PPP6C: variants seen among roughly 807,000 people sequenced by gnomAD.
The protein encoded by PPP6C is protein phosphatase 6 catalytic subunit.
In PPP6C, 11 loss-of-function variants were observed where a neutral mutation model predicts 39.8. The ratio of observed to expected loss-of-function variants is 0.28; its 90% CI spans 0.17 to 0.46. The LOEUF (loss-of-function observed/expected upper bound fraction) is 0.46, where lower values mean the gene tolerates loss of function less well. Among genes scored for constraint, PPP6C ranks in the 20% least tolerant of loss-of-function variants. The pLI, the probability that PPP6C is intolerant of heterozygous loss-of-function variation, is 1.00. For synonymous variants in PPP6C, 129 were observed against 130.3 expected (o/e 0.99, Z 0.07); for missense variants, 211 against 373.9 (o/e 0.56, Z 3.59).
intron 4 of PPP6C, among the ~76,000 whole-genome samples, chr9:125,155,410 T>C (rs187518248): frequency 6.6e-5 from 10 of 152,282 alleles, no homozygotes; most frequent in African/African-American, 2.4e-4. Context: ...TGAAGCAAGA[T>C]TGTTATGTAA....
rs748788972 is a variant in PPP6C at position 125,189,753 on chromosome 9, G to C, written c.-35C>G. 5 of 1,560,394 alleles carry C rather than the reference G, an allele frequency of 3.2e-6. No homozygotes were observed. The South Asian group carries it at 4.6e-5, about 14-fold the overall frequency. On this transcript the variant is annotated 5_prime_UTR_variant, in exon 1 of 7. Transcript: ENST00000373547. ...AACAAGCCGCGGCAACAGCGGCGGC[G>C]GCGGCTGTAGCAGCGGCGGCGGCAG...
At chr9:125,170,330 G>A (rs1048060787) in intron 2 of PPP6C, among the ~76,000 whole-genome samples, 2 of 151,562 alleles carry the variant, frequency 1.3e-5, no homozygotes, top group African/African-American at 4.9e-5. Flanking sequence ...TTCACCTCCC[G>A]GGTTCAAGAG....
rs540151053 is a variant in PPP6C, at chr9:125,157,872, G to A, written c.379+369C>T. 3.9e-5 allele frequency among the ~76,000 whole-genome samples: 6 copies of A among 152,070 alleles called. No individual in the cohort carries two copies. In the South Asian group the frequency reaches 1.0e-3, roughly 26 times the overall value. ...CGCTCAGCTCATTTTTGTATTTTTAGAAGAGAAGGGGTTTCACCATATTGG... is the reference window on the plus strand; with the variant it reads ...CGCTCAGCTCATTTTTGTATTTTTAAAAGAGAAGGGGTTTCACCATATTGG... On this transcript the variant is annotated intron_variant, in intron 4 of 6. Coordinates refer to ENST00000373547, the MANE Select transcript of PPP6C (RefSeq NM_002721.5).
intron 6 of PPP6C, among the ~76,000 whole-genome samples, chr9:125,153,010 C>T (rs7852420): frequency 0.44 from 67,033 of 151,618 alleles, 15,185 homozygotes; most frequent in East Asian, 0.53. Flanking sequence ...CGGTGGCTCA[C>T]ACCTATAATC....
chr9:125,168,878 A>G (rs998698459), intron 2 of PPP6C, among the ~76,000 whole-genome samples: 5 of 152,106 alleles, frequency 3.3e-5, no homozygotes, highest in African/African-American at 1.2e-4. Context: ...CTCCTGCCTC[A>G]GCCTCCCAAG....
In PPP6C at chr9:125,153,519, A is replaced by G; in HGVS notation, c.669+14T>C. On this transcript the variant is annotated intron_variant, in intron 6 of 6. Coordinates refer to ENST00000373547, the MANE Select transcript of PPP6C (RefSeq NM_002721.5). ...GCAATCCACAAATTACATTTCCAAA[A>G]ATGTTGGCTTTACCTCATTTGTGAC... The G allele has an allele frequency of 6.2e-7, 1 of 1,612,380 alleles. No individual in the cohort carries two copies. Among genetic ancestry groups the G allele is most frequent in the Non-Finnish European group, 8.5e-7 (1 of 1,178,856 alleles).
chr9:125,164,377 C>T (rs1042366461), intron 2 of PPP6C, among the ~76,000 whole-genome samples: 1 of 151,896 alleles, frequency 6.6e-6, no homozygotes, highest in Non-Finnish European at 1.5e-5. Context: ...CAGGCACGTG[C>T]CACTACACCT....
At chr9:125,173,731 C>T (rs1490415011) in intron 1 of PPP6C, among the ~76,000 whole-genome samples, 1 of 151,988 alleles carries the variant, frequency 6.6e-6, no homozygotes, top group African/African-American at 2.4e-5. Flanking sequence ...CATTCTCCTG[C>T]CTCAGCCTCC....
In PPP6C at chr9:125,147,769, G is replaced by A. The variant is rs978866243; in HGVS notation, c.*1904C>T. 1 of 151,632 alleles carries A rather than the reference G, an allele frequency of 6.6e-6. No homozygotes were observed. The highest frequency in any genetic ancestry group is 6.6e-5 in the Admixed American group (1 of 15,180). 9.4% of individuals were successfully genotyped at this position (151,632 alleles called of 1,614,324 possible). A position where few individuals can be genotyped will look rare whatever the true frequency, so the allele number is the denominator to read the frequency against. On this transcript the variant is annotated 3_prime_UTR_variant, in exon 7 of 7. Transcript: ENST00000373547. ...TACCGGTTCTATTAGTACAACTTAA[G>A]TGGAAAGCAAGCACTTAAATACAAT...
chr9:125,179,083 C>T (rs1326945109), intron 1 of PPP6C, among the ~76,000 whole-genome samples: 1 of 152,032 alleles, frequency 6.6e-6, no homozygotes, highest in Non-Finnish European at 1.5e-5. Flanking sequence ...GGTGTGGTGG[C>T]GCATGCCTAT....
chr9:125,149,543 A>T lies in PPP6C; in HGVS notation c.*130T>A, dbSNP rs185115771. 5.2e-4 allele frequency: 302 copies of T among 580,700 alleles called. 4 individuals are homozygous for T. In the South Asian group the frequency reaches 8.8e-3, roughly 17 times the overall value. 36.0% of individuals were successfully genotyped at this position (580,700 alleles called of 1,614,324 possible). ...AATAAATTTAGATAATTTAAAATTT[A>T]AAAAAAAAAAGGCAAGAGGCAGCAT... On this transcript the variant is annotated 3_prime_UTR_variant, in exon 7 of 7. Transcript: ENST00000373547.
At chr9:125,182,065 A>G (rs1284533092) in intron 1 of PPP6C, among the ~76,000 whole-genome samples, 1 of 152,080 alleles carries the variant, frequency 6.6e-6, no homozygotes, top group South Asian at 2.1e-4. Flanking sequence ...GCTCTTTTTC[A>G]TATGTTTGGT....
In PPP6C at chr9:125,189,785, A is replaced by C. The variant is rs1829631524; in HGVS notation, c.-67T>G. On this transcript the variant is annotated 5_prime_UTR_variant, in exon 1 of 7. Coordinates refer to ENST00000373547, the MANE Select transcript of PPP6C (RefSeq NM_002721.5). ...GTAGCAGCGGCGGCGGCAGCGGCGG[A>C]GGCCGAAGCCGGAACTTTCCCTGCG... The C allele has an allele frequency of 2.0e-6, 3 of 1,522,300 alleles. No individual in the cohort carries two copies. The highest frequency in any genetic ancestry group is 2.4e-5 in the East Asian group (1 of 40,982). The allele number at this position is 1,522,300 out of a possible 1,614,324, so 94.3% of individuals were successfully genotyped here. A position where few individuals can be genotyped will look rare whatever the true frequency, so the allele number is the denominator to read the frequency against.
chr9:125,186,066 G>C lies in PPP6C; in HGVS notation c.75+3578C>G, dbSNP rs1189030004. On this transcript the variant is annotated intron_variant, in intron 1 of 6. Coordinates refer to ENST00000373547, the MANE Select transcript of PPP6C (RefSeq NM_002721.5). ...CGAAACAGAAATTGTGATTAAATCT[G>C]GAACATCGTATGCATTTAGTATTTT... 1.1e-4 allele frequency among the ~76,000 whole-genome samples: 16 copies of C among 152,068 alleles called. 1 individual carries two copies. Among genetic ancestry groups the C allele is most frequent in the Admixed American group, 1.0e-3 (16 of 15,276 alleles).
intron 2 of PPP6C, among the ~76,000 whole-genome samples, chr9:125,161,232 G>A (rs1353260229): frequency 1.3e-5 from 2 of 151,852 alleles, no homozygotes; most frequent in African/African-American, 4.8e-5. Flanking sequence ...TAATCTAACA[G>A]CCCACCCAAA....
At position 125,148,106 on chromosome 9, in the gene PPP6C, CAATT is replaced by C. The variant is rs1334944163; in HGVS notation, c.*1563_*1566del. The C allele has an allele frequency of 5.4e-6, 1 of 186,012 alleles. No homozygotes were observed. The highest frequency in any genetic ancestry group is 1.1e-5 in the Non-Finnish European group (1 of 88,716). 11.5% of individuals were successfully genotyped at this position (186,012 alleles called of 1,614,324 possible). A position where few individuals can be genotyped will look rare whatever the true frequency, so the allele number is the denominator to read the frequency against. On this transcript the variant is annotated 3_prime_UTR_variant, in exon 7 of 7. Transcript: ENST00000373547. ...AATTAAATCAAAACAGTATTGTGCT[CAATT>C]AATAAAAGAAAACCCTGATGAAAAA... is the stretch of plus-strand genomic sequence containing the variant.
rs1441777191 is a variant in PPP6C, at chr9:125,184,736, G to A, written c.75+4908C>T. 6.6e-5 allele frequency among the ~76,000 whole-genome samples: 10 copies of A among 152,044 alleles called. No homozygotes were observed. In the East Asian group the frequency reaches 1.3e-3, roughly 20 times the overall value. On this transcript the variant is annotated intron_variant, in intron 1 of 6. Transcript: ENST00000373547. ...ATCTGTAATCCCAACACTTTGGGAG[G>A]CCGAGGTGGGCGGATCACCTGAGGC...
chr9:125,174,827 G>A (rs561191788), intron 1 of PPP6C, among the ~76,000 whole-genome samples: 13 of 152,152 alleles, frequency 8.5e-5, no homozygotes, highest in African/African-American at 2.9e-4. Flanking sequence ...CAGGAGAATC[G>A]CTTGAGCCTT....
chr9:125,180,902 T>TTGA (rs1829408396), intron 1 of PPP6C, among the ~76,000 whole-genome samples: 1 of 152,094 alleles, frequency 6.6e-6, no homozygotes. Flanking sequence ...ATCTGAAAGA[T>TTGA]TGAGTGTCTG....
Sources: allele counts gnomAD v4.1 joint callset (sites outside exome capture counted in the v4.1 genomes callset), GRCh38; gene constraint gnomAD v4.1.1; transcripts MANE v1.5; gene names NCBI Gene and HGNC (gene_info 2026-07-23, HGNC 2026-07-21).